The following LRRTM4 variants were observed in gnomAD, a reference collection of about 807,000 sequenced individuals.
LRRTM4 encodes the protein leucine-rich repeat transmembrane neuronal protein 4.
In LRRTM4, 25 loss-of-function variants were observed where a neutral mutation model predicts 47.6. The ratio of observed to expected loss-of-function variants is 0.53; its 90% CI spans 0.38 to 0.73. The LOEUF (loss-of-function observed/expected upper bound fraction) is 0.73, where lower values mean the gene tolerates loss of function less well. Ranked by LOEUF, LRRTM4 falls within the 30% of genes least tolerant of loss-of-function variation. The pLI is 0.00. For missense variants in LRRTM4, 638 were observed against 713.4 expected (o/e 0.89, Z 1.20); for synonymous variants, 311 against 269.5 (o/e 1.15, Z -1.51).
chr2:77,292,842 T>C (rs1195881186), intron 3 of LRRTM4, among the ~76,000 whole-genome samples: 2 of 150,728 alleles, frequency 1.3e-5, no homozygotes, highest in African/African-American at 4.9e-5. Context: ...AAACTTAAAG[T>C]ATAATAATAA....
At chr2:76,886,943 T>C (rs1673096364) in intron 3 of LRRTM4, among the ~76,000 whole-genome samples, 1 of 152,014 alleles carries the variant, frequency 6.6e-6, no homozygotes, top group Non-Finnish European at 1.5e-5. Flanking sequence ...TAATGAACTT[T>C]TTTGAACATA....
intron 3 of LRRTM4, among the ~76,000 whole-genome samples, chr2:77,336,943 A>G (rs1180745682): frequency 2.0e-5 from 3 of 152,178 alleles, no homozygotes; most frequent in Non-Finnish European, 4.4e-5. Flanking sequence ...CTCTTTTCAG[A>G]TGGTATGATA....
At chr2:76,928,008 C>T (rs559479244) in intron 3 of LRRTM4, among the ~76,000 whole-genome samples, 19 of 152,218 alleles carry the variant, frequency 1.2e-4, no homozygotes, top group African/African-American at 3.6e-4. Flanking sequence ...TTGTAAAATA[C>T]GTGTCCCAAT....
intron 3 of LRRTM4, among the ~76,000 whole-genome samples, chr2:77,167,015 A>G (rs1353276346): frequency 6.6e-6 from 1 of 152,190 alleles, no homozygotes; most frequent in Non-Finnish European, 1.5e-5. Flanking sequence ...CAGAGTGAAG[A>G]GGCAACCTAC....
At chr2:76,898,100 C>G (rs886110821) in intron 3 of LRRTM4, among the ~76,000 whole-genome samples, 1 of 152,100 alleles carries the variant, frequency 6.6e-6, no homozygotes, top group African/African-American at 2.4e-5. Flanking sequence ...GAGTGGTAAG[C>G]CATCTACTGA....
chr2:76,899,087 GTAA>G lies in LRRTM4; in HGVS notation c.1552-150174_1552-150172del, dbSNP rs1409748332. On this transcript the variant is annotated intron_variant, in intron 3 of 3. Coordinates refer to ENST00000409884, the MANE Select transcript of LRRTM4 (RefSeq NM_001134745.3). ...AGTTGAAGAAATATGAGACTCTTATGTAACTCCTTACATCAAAATGAATAATTG... is the reference window on the plus strand; with the variant it reads ...AGTTGAAGAAATATGAGACTCTTATGCTCCTTACATCAAAATGAATAATTG... Among the ~76,000 whole-genome samples the G allele has an allele frequency of 2.6e-5, 4 of 152,000 alleles. No individual in the cohort carries two copies. In the East Asian group the frequency reaches 7.7e-4, roughly 29 times the overall value.
chr2:76,843,432 C>T (rs1006599300), intron 3 of LRRTM4, among the ~76,000 whole-genome samples: 17 of 152,082 alleles, frequency 1.1e-4, no homozygotes, highest in African/African-American at 4.1e-4. Context: ...ACAAGTATTT[C>T]AGGTGGCTTT....
chr2:76,893,438 CTA>C (rs1188964346), intron 3 of LRRTM4, among the ~76,000 whole-genome samples: 4 of 151,542 alleles, frequency 2.6e-5, no homozygotes, highest in Admixed American at 6.6e-5. Flanking sequence ...AAAATAATAA[CTA>C]AATAAATAAT....
intron 3 of LRRTM4, among the ~76,000 whole-genome samples, chr2:77,099,473 A>G (rs1412642601): frequency 6.6e-6 from 1 of 152,022 alleles, no homozygotes; most frequent in African/African-American, 2.4e-5. Flanking sequence ...GTTTATATTA[A>G]CATATATAAG....
intron 3 of LRRTM4, among the ~76,000 whole-genome samples, chr2:77,451,233 A>G (rs1239434457): frequency 6.6e-6 from 1 of 152,144 alleles, no homozygotes; most frequent in African/African-American, 2.4e-5. Context: ...TATGTATTTC[A>G]TTGTTAGATA....
chr2:76,868,591 G>C (rs934505210), intron 3 of LRRTM4, among the ~76,000 whole-genome samples: 2 of 152,140 alleles, frequency 1.3e-5, no homozygotes, highest in African/African-American at 4.8e-5. Context: ...AAAAAGGCTT[G>C]TGTAGCTTTC....
At chr2:77,357,016 T>C (rs903707945) in intron 3 of LRRTM4, among the ~76,000 whole-genome samples, 1 of 152,160 alleles carries the variant, frequency 6.6e-6, no homozygotes, top group Non-Finnish European at 1.5e-5. Flanking sequence ...AATGGCATCC[T>C]AAGTTATTAG....
At chr2:77,053,975 TA>T (rs1011902872) in intron 3 of LRRTM4, among the ~76,000 whole-genome samples, 7 of 151,002 alleles carry the variant, frequency 4.6e-5, no homozygotes, top group Middle Eastern at 3.4e-3. Context: ...CTTAGTGACT[TA>T]AAAAAAAAGC....
intron 3 of LRRTM4, among the ~76,000 whole-genome samples, chr2:77,172,017 G>A (rs1009752199): frequency 2.0e-5 from 3 of 152,052 alleles, no homozygotes; most frequent in Admixed American, 6.6e-5. Flanking sequence ...GTGTCGCTGC[G>A]ATCAACCTCA....
At chr2:77,479,653 C>T (rs1163852266) in intron 3 of LRRTM4, among the ~76,000 whole-genome samples, 1 of 152,166 alleles carries the variant, frequency 6.6e-6, no homozygotes, top group Admixed American at 6.5e-5. Flanking sequence ...GGAAAGGAAT[C>T]CTGCCAATTC....
At chr2:77,043,243 A>T (rs1306851442) in intron 3 of LRRTM4, among the ~76,000 whole-genome samples, 1 of 151,802 alleles carries the variant, frequency 6.6e-6, no homozygotes, top group African/African-American at 2.4e-5. Flanking sequence ...AGTTGCCTCT[A>T]GTCTACCCAT....
chr2:77,289,769 A>G (rs1452923200), intron 3 of LRRTM4, among the ~76,000 whole-genome samples: 3 of 152,046 alleles, frequency 2.0e-5, no homozygotes, highest in Non-Finnish European at 4.4e-5. Flanking sequence ...AAAATATCTC[A>G]ATGTTTAAAA....
intron 3 of LRRTM4, among the ~76,000 whole-genome samples, chr2:77,021,911 G>GTA (rs752710704): frequency 8.5e-5 from 13 of 152,156 alleles, no homozygotes; most frequent in Non-Finnish European, 1.9e-4. Flanking sequence ...CACTCATGCT[G>GTA]TATCTTAGCT....
intron 3 of LRRTM4, among the ~76,000 whole-genome samples, chr2:77,131,035 C>A (rs1219375111): frequency 6.7e-6 from 1 of 148,370 alleles, no homozygotes; most frequent in East Asian, 2.0e-4. Flanking sequence ...GGGGTTTCAC[C>A]GTTTTAGCCG....
Sources: allele counts gnomAD v4.1 joint callset (sites outside exome capture counted in the v4.1 genomes callset), GRCh38; gene constraint gnomAD v4.1.1; transcripts MANE v1.5; gene names NCBI Gene and HGNC (gene_info 2026-07-23, HGNC 2026-07-21).